Variants in SHROOM3 observed in about 807,000 individuals in gnomAD.
SHROOM3 encodes the protein protein Shroom3.
In SHROOM3, 47 loss-of-function variants were observed where a neutral mutation model predicts 138.6. The ratio of observed to expected loss-of-function variants is 0.34; its 90% CI spans 0.27 to 0.43. SHROOM3 has a LOEUF of 0.43. Among genes scored for constraint, SHROOM3 ranks in the 20% least tolerant of loss-of-function variants. SHROOM3 has a pLI of 1.00. For missense variants in SHROOM3, 2,491 were observed against 2,596.5 expected (o/e 0.96, Z 0.88); for synonymous variants, 1,062 against 1,063.3 (o/e 1.00, Z 0.02).
At chr4:76,694,869 A>G (rs1245445734) in intron 2 of SHROOM3, among the ~76,000 whole-genome samples, 1 of 152,216 alleles carries the variant, frequency 6.6e-6, no homozygotes, top group African/African-American at 2.4e-5. Flanking sequence ...TGAGGCAGGC[A>G]CTGTTACTAT....
chr4:76,671,260 C>A (rs908515207), intron 2 of SHROOM3, among the ~76,000 whole-genome samples: 2 of 152,220 alleles, frequency 1.3e-5, no homozygotes, highest in African/African-American at 4.8e-5. Flanking sequence ...GTTCTCCCTA[C>A]CTCTGGCCTT....
intron 1 of SHROOM3, among the ~76,000 whole-genome samples, chr4:76,441,998 A>G (rs1730701427): frequency 6.6e-6 from 1 of 152,242 alleles, no homozygotes; most frequent in Admixed American, 6.5e-5. Flanking sequence ...CCGAGATTAC[A>G]GGCGTGAGCC....
chr4:76,457,934 TACAGGTGCCCACC>T (rs555224441), intron 1 of SHROOM3, among the ~76,000 whole-genome samples: 284 of 152,158 alleles, frequency 1.9e-3, no homozygotes, highest in African/African-American at 6.6e-3. Context: ...GTGCTGGGAT[TACAGGTGCCCACC>T]ACCGTGTCTG....
In SHROOM3 at chr4:76,584,826, T is replaced by C. The variant is rs542738947; in HGVS notation, c.323+29063T>C. 5.9e-5 allele frequency among the ~76,000 whole-genome samples: 9 copies of C among 152,206 alleles called. No individual in the cohort carries two copies. The South Asian group carries it at 1.9e-3, about 32-fold the overall frequency. On this transcript the variant is annotated intron_variant, in intron 2 of 10. Transcript: ENST00000296043. ...TGGTGGGGAGAGGAAAACATAAAGCTGGGATAAGAACAGTGCTTTCCTAAG... is the reference window on the plus strand; with the variant it reads ...TGGTGGGGAGAGGAAAACATAAAGCCGGGATAAGAACAGTGCTTTCCTAAG...
At position 76,710,372 on chromosome 4, in the gene SHROOM3, G is replaced by A. The variant is rs879168208; in HGVS notation, c.455+85G>A. 57 of 1,530,830 alleles carry A rather than the reference G, an allele frequency of 3.7e-5. 1 individual carries two copies. The South Asian group carries it at 6.5e-4, about 17-fold the overall frequency. The allele number at this position is 1,530,830 out of a possible 1,614,324, so 94.8% of individuals were successfully genotyped here. A position where few individuals can be genotyped will look rare whatever the true frequency, so the allele number is the denominator to read the frequency against. ...CTCAGCTGCTGGGAGAGGAGTCGGG[G>A]GCAAGGATGGTCAGGATACAGGCTG... On this transcript the variant is annotated intron_variant, in intron 3 of 10. Coordinates refer to ENST00000296043, the MANE Select transcript of SHROOM3 (RefSeq NM_020859.4).
intron 2 of SHROOM3, among the ~76,000 whole-genome samples, chr4:76,591,706 G>T (rs888200841): frequency 5.0e-5 from 7 of 139,468 alleles, no homozygotes; most frequent in Non-Finnish European, 1.1e-4. Context: ...ACCCGGAAAG[G>T]GATATGTACT....
intron 2 of SHROOM3, among the ~76,000 whole-genome samples, chr4:76,611,657 C>T (rs1222025055): frequency 2.6e-5 from 4 of 152,152 alleles, no homozygotes; most frequent in Non-Finnish European, 5.9e-5. Flanking sequence ...TTCTTAAGGT[C>T]ACAGTGTCCT....
intron 10 of SHROOM3, among the ~76,000 whole-genome samples, chr4:76,778,244 CAA>C (rs1281661457): frequency 6.9e-6 from 1 of 143,918 alleles, no homozygotes; most frequent in African/African-American, 2.6e-5. Flanking sequence ...TTTTTTGAGA[CAA>C]GAGTCTCACT....
chr4:76,462,272 T>G (rs1731155919), intron 1 of SHROOM3, among the ~76,000 whole-genome samples: 1 of 151,948 alleles, frequency 6.6e-6, no homozygotes, highest in South Asian at 2.1e-4. Flanking sequence ...CTTGGGAGGC[T>G]GAGGTAGGAG....
intron 2 of SHROOM3, among the ~76,000 whole-genome samples, chr4:76,662,989 G>A (rs911346831): frequency 3.3e-5 from 5 of 152,042 alleles, no homozygotes; most frequent in Non-Finnish European, 7.4e-5. Flanking sequence ...TGGTTACTGA[G>A]AGCCATGTCT....
At chr4:76,450,690 G>T (rs951028453) in intron 1 of SHROOM3, among the ~76,000 whole-genome samples, 1 of 152,200 alleles carries the variant, frequency 6.6e-6, no homozygotes, top group Non-Finnish European at 1.5e-5. Context: ...GAAAGTAGAT[G>T]AAAGATTGCC....
chr4:76,658,155 G>C (rs1487346438), intron 2 of SHROOM3, among the ~76,000 whole-genome samples: 1 of 152,232 alleles, frequency 6.6e-6, no homozygotes. Context: ...GCACAGATCA[G>C]ATCTGCTTAG....
chr4:76,631,478 G>A (rs768905714), intron 2 of SHROOM3, among the ~76,000 whole-genome samples: 1 of 152,030 alleles, frequency 6.6e-6, no homozygotes, highest in African/African-American at 2.4e-5. Flanking sequence ...CTCCCAAAGT[G>A]CTGGGATTAC....
At chr4:76,690,289 T>C (rs1719483795) in intron 2 of SHROOM3, among the ~76,000 whole-genome samples, 1 of 152,158 alleles carries the variant, frequency 6.6e-6, no homozygotes, top group Non-Finnish European at 1.5e-5. Context: ...AGGGGAGTGG[T>C]TACAAAATTT....
At chr4:76,455,596 A>T (rs1012547350) in intron 1 of SHROOM3, among the ~76,000 whole-genome samples, 1 of 152,164 alleles carries the variant, frequency 6.6e-6, no homozygotes, top group East Asian at 1.9e-4. Context: ...CAAAAGCTAC[A>T]TTGGCAAAGG....
chr4:76,592,443 T>C (rs1184706722), intron 2 of SHROOM3, among the ~76,000 whole-genome samples: 1 of 152,220 alleles, frequency 6.6e-6, no homozygotes, highest in African/African-American at 2.4e-5. Context: ...TACCACTACA[T>C]AGTCTAGGAT....
chr4:76,666,104 T>C (rs6834891), intron 2 of SHROOM3, among the ~76,000 whole-genome samples: 71,118 of 151,978 alleles, frequency 0.47, 17,445 homozygotes, highest in African/African-American at 0.62. Flanking sequence ...AAATCTGGGG[T>C]TAAAGTGTTG....
At chr4:76,686,459 T>C (rs1719340644) in intron 2 of SHROOM3, among the ~76,000 whole-genome samples, 1 of 152,206 alleles carries the variant, frequency 6.6e-6, no homozygotes, top group Non-Finnish European at 1.5e-5. Context: ...AAATATACAA[T>C]TAATTAAATG....
Position 76,755,075 on chromosome 4 carries a change from C to T in SHROOM3, c.4592C>T (p.Pro1531Leu), listed in dbSNP as rs1721760959. 1 of 1,597,594 alleles carries T rather than the reference C, an allele frequency of 6.3e-7. No individual in the cohort carries two copies. The highest frequency in any genetic ancestry group is 1.1e-5 in the South Asian group (1 of 89,216). ...TTTGAACCTCTTCCCCCACCCCCACCTCCTCCACCGAGTCAGGAAACCCCG... is the reference window on the plus strand; with the variant it reads ...TTTGAACCTCTTCCCCCACCCCCACTTCCTCCACCGAGTCAGGAAACCCCG... ...PTFEPLPPPP[P>L]PPPSQETPVY... Residue 1531 changes from proline to leucine, a missense_variant, in exon 7 of 11, where the codon CCT becomes CTT. By Grantham distance (98) the Pro-to-Leu change is moderately conservative. Transcript: ENST00000296043.
Sources: allele counts gnomAD v4.1 joint callset (sites outside exome capture counted in the v4.1 genomes callset), GRCh38; gene constraint gnomAD v4.1.1; transcripts MANE v1.5; gene names NCBI Gene and HGNC (gene_info 2026-07-23, HGNC 2026-07-21).